CPEB3: variants seen among roughly 807,000 people sequenced by gnomAD.
CPEB3 encodes cytoplasmic polyadenylation element binding protein 3, also known as cytoplasmic polyadenylation element-binding protein 3.
Under a neutral mutation model 67.2 loss-of-function variants are expected in CPEB3, and 20 were observed. The ratio of observed to expected loss-of-function variants is 0.30; its 90% confidence interval spans 0.21 to 0.43. CPEB3 has a LOEUF of 0.43. Among genes scored for constraint, CPEB3 ranks in the 20% least tolerant of loss-of-function variants. CPEB3 has a pLI of 1.00. For missense variants in CPEB3, 746 were observed against 968.6 expected, an observed-to-expected ratio of 0.77 and a Z score of 3.05; for synonymous variants, 376 against 393.1, an observed-to-expected ratio of 0.96 and a Z score of 0.51.
intron 2 of CPEB3, among the ~76,000 whole-genome samples, chr10:92,207,895 G>A (rs1241833960): frequency 6.6e-6 from 1 of 152,108 alleles, no homozygotes; most frequent in Non-Finnish European, 1.5e-5. Flanking sequence ...AAAAAAACAT[G>A]TTAAGTGCTT....
chr10:92,091,552 G>A (rs1480226749), intron 8 of CPEB3, among the ~76,000 whole-genome samples: 2 of 151,926 alleles, frequency 1.3e-5, no homozygotes, highest in Admixed American at 1.3e-4. Flanking sequence ...TGCCAAATGT[G>A]TTATTATTTT....
intron 9 of CPEB3, 133 bp from the exon 10 acceptor site, chr10:92,052,572 A>T: frequency 1.4e-6 from 1 of 713,376 alleles, no homozygotes; most frequent in South Asian, 1.9e-5. Flanking sequence ...CTGATACTGG[A>T]TGGTGGTTGA....
intron 2 of CPEB3, among the ~76,000 whole-genome samples, chr10:92,216,025 G>C (rs796639437): frequency 1.1e-4 from 15 of 141,778 alleles, no homozygotes; most frequent in African/African-American, 3.6e-4. Context: ...TGGGATTACA[G>C]GCCTGAGCCA....
At chr10:92,204,543 G>A (rs553263697) in intron 2 of CPEB3, among the ~76,000 whole-genome samples, 14 of 152,164 alleles carry the variant, frequency 9.2e-5, no homozygotes, top group African/African-American at 1.7e-4. Flanking sequence ...GTACATGTTC[G>A]TATATTTTAA....
At chr10:92,210,699 A>G (rs1452670387) in intron 2 of CPEB3, among the ~76,000 whole-genome samples, 2 of 152,232 alleles carry the variant, frequency 1.3e-5, no homozygotes, top group Admixed American at 1.3e-4. Context: ...TAATGTTATA[A>G]TTGTGTTGAT....
intron 1 of CPEB3, among the ~76,000 whole-genome samples, chr10:92,277,214 T>C (rs1409886750): frequency 6.6e-6 from 1 of 152,196 alleles, no homozygotes; most frequent in Non-Finnish European, 1.5e-5. Flanking sequence ...AAACACAGTC[T>C]AATCCCTGGT....
At chr10:92,184,068 T>C (rs528821702) in intron 3 of CPEB3, among the ~76,000 whole-genome samples, 8 of 152,326 alleles carry the variant, frequency 5.3e-5, no homozygotes, top group Non-Finnish European at 1.0e-4. Flanking sequence ...CTTGGAAAGA[T>C]GAAACTGAAA....
intron 5 of CPEB3, among the ~76,000 whole-genome samples, chr10:92,143,955 T>A (rs1846558804): frequency 6.6e-6 from 1 of 152,178 alleles, no homozygotes; most frequent in Non-Finnish European, 1.5e-5. Context: ...AAATTTGAAG[T>A]GTGTCATAGC....
At chr10:92,278,164 G>A (rs372374797) in intron 1 of CPEB3, among the ~76,000 whole-genome samples, 12 of 150,674 alleles carry the variant, frequency 8.0e-5, no homozygotes, top group African/African-American at 2.0e-4. Flanking sequence ...CAGCCTGGGC[G>A]ACAGAGCAAG....
At chr10:92,212,210 CTT>C (rs998565592) in intron 2 of CPEB3, among the ~76,000 whole-genome samples, 33 of 119,968 alleles carry the variant, frequency 2.8e-4, no homozygotes, top group Admixed American at 5.2e-4. Flanking sequence ...ACAATAAATT[CTT>C]TTTTTTTTTT....
intron 1 of CPEB3, among the ~76,000 whole-genome samples, chr10:92,268,808 T>C (rs184351024): frequency 1.3e-5 from 2 of 152,276 alleles, no homozygotes; most frequent in East Asian, 1.9e-4. Context: ...GTTTCCATGA[T>C]GGCAACCATT....
At chr10:92,076,322 C>T (rs1170255556) in intron 9 of CPEB3, 1 of 152,150 alleles carries the variant, frequency 6.6e-6, no homozygotes, top group Non-Finnish European at 1.5e-5. Flanking sequence ...TCTATAGAGT[C>T]CACAGCACTC....
At chr10:92,222,648 G>C (rs1850759683) in intron 2 of CPEB3, among the ~76,000 whole-genome samples, 1 of 152,116 alleles carries the variant, frequency 6.6e-6, no homozygotes, top group African/African-American at 2.4e-5. Context: ...CTCTGTATCT[G>C]TAATTCTTAA....
intron 9 of CPEB3, among the ~76,000 whole-genome samples, chr10:92,073,562 C>T (rs1368544478): frequency 1.3e-5 from 2 of 152,058 alleles, no homozygotes; most frequent in African/African-American, 2.4e-5. Context: ...CCTCAGCCTC[C>T]CAAGTAGCTA....
rs1851755478 is a variant in CPEB3 at position 92,240,025 on chromosome 10, C to T, written c.326G>A (p.Ser109Asn). ...GTTGGTGGTGCCCGTGGACCAGGTG[C>T]TGCCGAAGGACGGCGACAGCGACGC... ...PGASLSPSFG[S>N]TWSTGTTNAV... Residue 109 changes from serine to asparagine, a missense_variant, in exon 2 of 10, where the codon AGC becomes AAC. Physicochemically the swap from Ser to Asn is conservative, Grantham distance 46 (BLOSUM62 1). This residue lies in a region of CPEB3 where 643 missense variants were observed against 717.5 expected (regional missense o/e 0.90). Coordinates refer to ENST00000265997, the MANE Select transcript of CPEB3 (RefSeq NM_014912.5). The T allele has an allele frequency of 1.2e-6, 2 of 1,606,714 alleles. No individual in the cohort carries two copies. Among genetic ancestry groups the T allele is most frequent in the African/African-American group, 2.7e-5 (2 of 74,642 alleles).
intron 1 of CPEB3, 110 bp from the exon 2 acceptor site, chr10:92,240,471 C>A: frequency 9.7e-7 from 1 of 1,026,414 alleles, no homozygotes; most frequent in South Asian, 2.1e-5. Flanking sequence ...CGCTACTAGC[C>A]AATTGCAATG....
chr10:92,106,022 A>G (rs1327351813), intron 7 of CPEB3, among the ~76,000 whole-genome samples: 1 of 151,856 alleles, frequency 6.6e-6, no homozygotes, highest in Non-Finnish European at 1.5e-5. Flanking sequence ...CATCCCGAGT[A>G]GCTGGAATTA....
intron 4 of CPEB3, among the ~76,000 whole-genome samples, chr10:92,155,665 TTCTCTCTG>T (rs1847173493): frequency 6.6e-6 from 1 of 152,212 alleles, no homozygotes; most frequent in South Asian, 2.1e-4. Context: ...GCATTTGCAC[TTCTCTCTG>T]TCTCTCTTCC....
At chr10:92,280,596 C>T (rs1842234038) in intron 1 of CPEB3, among the ~76,000 whole-genome samples, 1 of 148,540 alleles carries the variant, frequency 6.7e-6, no homozygotes, top group South Asian at 2.1e-4. Flanking sequence ...GCGGTACATG[C>T]CCGTAGTCCC....
Sources: allele counts gnomAD v4.1 joint callset (sites outside exome capture counted in the v4.1 genomes callset), GRCh38; gene constraint gnomAD v4.1.1; regional missense constraint gnomAD v4.1.1; transcripts MANE v1.5; gene names NCBI Gene and HGNC (gene_info 2026-07-23, HGNC 2026-07-21).